ADK: variants seen among roughly 807,000 people sequenced by gnomAD.
The protein encoded by ADK is adenosine kinase.
Under a neutral mutation model 44.7 loss-of-function variants are expected in ADK, and 24 were observed. That is an observed-to-expected ratio of 0.54 (90% confidence interval 0.39 to 0.76). The LOEUF (loss-of-function observed/expected upper bound fraction) is 0.76. Ranked by LOEUF, ADK falls within the 30% of genes least tolerant of loss-of-function variation. The pLI is 0.00. For synonymous variants in ADK, 128 were observed against 142.6 expected (o/e 0.90, Z 0.73); for missense variants, 321 against 425.1 (o/e 0.76, Z 2.15).
At chr10:74,336,285 A>C (rs900619571) in intron 4 of ADK, among the ~76,000 whole-genome samples, 5 of 152,156 alleles carry the variant, frequency 3.3e-5, no homozygotes, top group Non-Finnish European at 5.9e-5. Flanking sequence ...TCTTCCCTGA[A>C]GTCTATTTAA....
At chr10:74,448,473 A>G (rs1039809750) in intron 6 of ADK, among the ~76,000 whole-genome samples, 2 of 152,166 alleles carry the variant, frequency 1.3e-5, no homozygotes, top group Non-Finnish European at 2.9e-5. Context: ...ATATACGCAT[A>G]TATACATATA....
intron 4 of ADK, among the ~76,000 whole-genome samples, chr10:74,347,984 C>T (rs557728571): frequency 4.3e-4 from 65 of 152,248 alleles, no homozygotes; most frequent in South Asian, 4.2e-4. Context: ...CGGCTGTGGG[C>T]GCAGCTTCAG....
At chr10:74,172,586 G>A (rs1420374041) in intron 1 of ADK, among the ~76,000 whole-genome samples, 1 of 151,654 alleles carries the variant, frequency 6.6e-6, no homozygotes, top group Non-Finnish European at 1.5e-5. Flanking sequence ...CTGCTAGGGA[G>A]GTTGAGGCAG....
rs191045116 is a variant in ADK, at chr10:74,605,871, C to T, written c.877+5378C>T. On this transcript the variant is annotated intron_variant, in intron 9 of 10. Transcript: ENST00000539909. ...AATTCAGTTGTGAATCCGTCTGCTC[C>T]TGGGCTTTTTTTGGTTGATAGGCTA... Among the ~76,000 whole-genome samples, 83 of 152,256 alleles carry T rather than the reference C, an allele frequency of 5.5e-4. 1 individual carries two copies. Among genetic ancestry groups the T allele is most frequent in the African/African-American group, 1.9e-3 (81 of 41,560 alleles).
intron 6 of ADK, among the ~76,000 whole-genome samples, chr10:74,402,495 A>G (rs915865505): frequency 6.6e-6 from 1 of 151,218 alleles, no homozygotes; most frequent in African/African-American, 2.4e-5. Flanking sequence ...CATTCATTTG[A>G]TCTTCAATCA....
chr10:74,497,805 G>A (rs1204574025), intron 6 of ADK, among the ~76,000 whole-genome samples: 2 of 152,118 alleles, frequency 1.3e-5, no homozygotes, highest in African/African-American at 4.8e-5. Flanking sequence ...AAACAAGACT[G>A]TGTCTCTAAA....
intron 6 of ADK, among the ~76,000 whole-genome samples, chr10:74,455,694 G>A (rs915550251): frequency 6.6e-6 from 1 of 152,080 alleles, no homozygotes; most frequent in Non-Finnish European, 1.5e-5. Context: ...ATTTTTATTA[G>A]AGACAGGGTT....
At chr10:74,637,162 A>G (rs1475497551) in intron 9 of ADK, among the ~76,000 whole-genome samples, 1 of 152,140 alleles carries the variant, frequency 6.6e-6, no homozygotes, top group Admixed American at 6.5e-5. Context: ...TTAAATACCT[A>G]GGAGTTCTTT....
At chr10:74,361,630 C>T (rs1045463187) in intron 4 of ADK, among the ~76,000 whole-genome samples, 2 of 152,082 alleles carry the variant, frequency 1.3e-5, no homozygotes, top group African/African-American at 2.4e-5. Context: ...GTCTTTTAGT[C>T]GTCTTACTAC....
At chr10:74,436,638 T>C (rs540987119) in intron 6 of ADK, among the ~76,000 whole-genome samples, 39 of 152,266 alleles carry the variant, frequency 2.6e-4, no homozygotes, top group African/African-American at 9.4e-4. Context: ...GACAAAGGTA[T>C]AAAGCCAACT....
intron 3 of ADK, among the ~76,000 whole-genome samples, chr10:74,257,694 T>A (rs1032571770): frequency 6.6e-6 from 1 of 152,240 alleles, no homozygotes; most frequent in Non-Finnish European, 1.5e-5. Flanking sequence ...AATATATGCT[T>A]GAAATTATTA....
chr10:74,585,751 A>G (rs1273755211), intron 7 of ADK, among the ~76,000 whole-genome samples: 3 of 152,202 alleles, frequency 2.0e-5, no homozygotes, highest in Non-Finnish European at 4.4e-5. Flanking sequence ...TGTTCTCCAC[A>G]TGTCACATCC....
chr10:74,627,877 T>G (rs1199435909), intron 9 of ADK, among the ~76,000 whole-genome samples: 1 of 152,196 alleles, frequency 6.6e-6, no homozygotes, highest in Non-Finnish European at 1.5e-5. Context: ...CCTCAAGTGA[T>G]CCACCTGCCT....
chr10:74,192,934 T>G (rs768919939), intron 1 of ADK, among the ~76,000 whole-genome samples: 2 of 152,244 alleles, frequency 1.3e-5, no homozygotes, highest in Admixed American at 6.5e-5. Flanking sequence ...TCTTTAATTT[T>G]TGGTGTGTCT....
chr10:74,410,724 C>T (rs1349885079), intron 6 of ADK, among the ~76,000 whole-genome samples: 1 of 152,112 alleles, frequency 6.6e-6, no homozygotes. Flanking sequence ...AAAGTGATAG[C>T]TTTAAACCTT....
chr10:74,349,622 A>G (rs1024446461), intron 4 of ADK, among the ~76,000 whole-genome samples: 1 of 152,160 alleles, frequency 6.6e-6, no homozygotes, highest in Non-Finnish European at 1.5e-5. Context: ...GGACTGGCAA[A>G]TTGGATGAAG....
chr10:74,397,608 G>A (rs776915190), intron 5 of ADK, among the ~76,000 whole-genome samples: 3 of 152,072 alleles, frequency 2.0e-5, no homozygotes, highest in Non-Finnish European at 4.4e-5. Context: ...CATGATCATA[G>A]CTCATTGCAG....
intron 3 of ADK, among the ~76,000 whole-genome samples, chr10:74,309,034 T>C (rs915838051): frequency 6.6e-6 from 1 of 152,170 alleles, no homozygotes; most frequent in Non-Finnish European, 1.5e-5. Context: ...TAAGTACTTT[T>C]ATTCATATAG....
In ADK at chr10:74,394,290, T is replaced by G; in HGVS notation, c.423T>G (p.Ala141=). The G allele has an allele frequency of 1.9e-6, 3 of 1,614,042 alleles. No homozygotes were observed. The highest frequency in any genetic ancestry group is 2.5e-6 in the Non-Finnish European group (3 of 1,179,958). ...ATGAGCAGCCAACAGGAACTTGTGC[T>G]GCATGCATCACTGGTGACAACAGGT... The part of the protein sequence containing the change: ...EQNEQPTGTC[A]ACITGDNRSL... The change falls in exon 5 of 11, where the codon GCT becomes GCG. Residue 141 remains alanine, a synonymous_variant. Transcript: ENST00000539909.
Sources: allele counts gnomAD v4.1 joint callset (sites outside exome capture counted in the v4.1 genomes callset), GRCh38; gene constraint gnomAD v4.1.1; transcripts MANE v1.5; gene names NCBI Gene and HGNC (gene_info 2026-07-23, HGNC 2026-07-21).